POLH: variants seen among roughly 807,000 people sequenced by gnomAD.
POLH encodes DNA polymerase eta transcript.
POLH carries 53 observed loss-of-function variants against 73.6 expected under a neutral mutation model. The observed-to-expected ratio is 0.72, with a 90% CI of 0.58 to 0.91. The LOEUF (loss-of-function observed/expected upper bound fraction) is 0.91, where lower values mean the gene tolerates loss of function less well. Among genes scored for constraint, POLH ranks in the 40% least tolerant of loss-of-function variants. The pLI, the probability that POLH is intolerant of heterozygous loss-of-function variation, is 0.00. For missense variants in POLH, 768 were observed against 865.4 expected (o/e 0.89, Z 1.41); for synonymous variants, 292 against 308.5 (o/e 0.95, Z 0.56).
intron 3 of POLH, 59 bp downstream of exon 3, chr6:43,583,200 G>T (rs879475111): frequency 9.5e-6 from 14 of 1,475,576 alleles, no homozygotes; most frequent in African/African-American, 2.8e-5. Flanking sequence ...ACTCCATGAG[G>T]CTAGGAACTG....
intron 5 of POLH, among the ~76,000 whole-genome samples, chr6:43,598,822 G>T (rs1219962882): frequency 6.6e-6 from 1 of 151,982 alleles, no homozygotes; most frequent in African/African-American, 2.4e-5. Flanking sequence ...TTATATACGG[G>T]ACTTGGGGTT....
intron 4 of POLH, among the ~76,000 whole-genome samples, chr6:43,593,197 G>A (rs1487682546): frequency 6.6e-6 from 1 of 152,090 alleles, no homozygotes; most frequent in Admixed American, 6.6e-5. Context: ...TATTATTAAA[G>A]ATTATAAAAT....
At chr6:43,598,365 G>A (rs948002969) in intron 5 of POLH, among the ~76,000 whole-genome samples, 4 of 151,772 alleles carry the variant, frequency 2.6e-5, no homozygotes, top group Non-Finnish European at 4.4e-5. Context: ...GGGGGCTCAC[G>A]CCTGTAGTCC....
chr6:43,597,692 T>G lies in POLH; in HGVS notation c.491-4T>G, dbSNP rs185508862. On this transcript the variant is annotated splice_polypyrimidine_tract_variant and splice_region_variant and intron_variant, in intron 4 of 10. Coordinates refer to ENST00000372236, the MANE Select transcript of POLH (RefSeq NM_006502.3). ...TCTAAATGTGAGTTCTTAATTCATT[T>G]CAGAGGGGATGCGAAAACAAGGCTT... 155 of 1,612,828 alleles carry G rather than the reference T, an allele frequency of 9.6e-5. No individual in the cohort carries two copies. The Middle Eastern group carries it at 2.3e-3, about 24-fold the overall frequency.
At chr6:43,580,483 C>T (rs1763939455) in intron 1 of POLH, among the ~76,000 whole-genome samples, 2 of 149,164 alleles carry the variant, frequency 1.3e-5, no homozygotes, top group East Asian at 2.0e-4. Flanking sequence ...CCAGTAGGGG[C>T]GGCCGGGCAG....
At chr6:43,596,482 CA>C (rs1384997440) in intron 4 of POLH, among the ~76,000 whole-genome samples, 5 of 138,576 alleles carry the variant, frequency 3.6e-5, no homozygotes, top group East Asian at 2.0e-4. Flanking sequence ...GACTTCGTCT[CA>C]AAAAAAAAAG....
chr6:43,610,588 T>C lies in POLH; in HGVS notation c.1109T>C (p.Ile370Thr). ...DRVATQLVVS[I>T]RVQGDKRLSS... Reference sequence around the variant, plus strand: ...GTAGCCACCCAGCTGGTTGTGAGCATTCGTGTACAAGGAGACAAACGCCTC... The same window carrying C: ...GTAGCCACCCAGCTGGTTGTGAGCACTCGTGTACAAGGAGACAAACGCCTC... The change falls in exon 10 of 11, where the codon ATT becomes ACT. Residue 370 changes from isoleucine (I) to threonine (T), a missense_variant. Ile to Thr is a moderately conservative substitution (Grantham distance 89, BLOSUM62 -1). Coordinates refer to ENST00000372236, the MANE Select transcript of POLH (RefSeq NM_006502.3). 1 of 1,614,112 alleles carries C rather than the reference T, an allele frequency of 6.2e-7. No individual in the cohort carries two copies. The highest frequency in any genetic ancestry group is 8.5e-7 in the Non-Finnish European group (1 of 1,179,998).
At chr6:43,578,549 T>A in intron 1 of POLH, 1 of 327,278 alleles carries the variant, frequency 3.1e-6, no homozygotes, top group Non-Finnish European at 5.9e-6. Context: ...GTCATGGTCA[T>A]GAAAAACAAG....
chr6:43,586,794 T>C (rs1764870101), intron 3 of POLH, among the ~76,000 whole-genome samples: 1 of 152,210 alleles, frequency 6.6e-6, no homozygotes, highest in East Asian at 1.9e-4. Context: ...GTTTGTTAAT[T>C]TATGGTGAGA....
intron 9 of POLH, 114 bp downstream of exon 9, chr6:43,605,433 C>A (rs756481594): frequency 3.5e-5 from 20 of 564,874 alleles, no homozygotes; most frequent in Non-Finnish European, 6.3e-5. Context: ...AGGAAATATC[C>A]GTTTTCTTTC....
intron 6 of POLH, among the ~76,000 whole-genome samples, chr6:43,603,659 C>T (rs753720034): frequency 1.4e-4 from 22 of 152,148 alleles, no homozygotes; most frequent in Non-Finnish European, 1.5e-4. Flanking sequence ...TACAATTGAA[C>T]GTTTTATATA....
At chr6:43,579,021 T>C (rs1174163198) in intron 1 of POLH, among the ~76,000 whole-genome samples, 1 of 152,238 alleles carries the variant, frequency 6.6e-6, no homozygotes, top group Non-Finnish European at 1.5e-5. Context: ...AATTTATCCT[T>C]ATGCCAGCAG....
chr6:43,598,633 T>C (rs1431372876), intron 5 of POLH, among the ~76,000 whole-genome samples: 2 of 144,140 alleles, frequency 1.4e-5, no homozygotes, highest in Non-Finnish European at 3.0e-5. Context: ...AGACTCCGTC[T>C]CAAAAAAAAA....
chr6:43,601,692 G>A lies in POLH; in HGVS notation c.764+601G>A, dbSNP rs527805046. ...AGTCCCAGCACTTTTGGTAGGCCAG[G>A]GTGGGTGGATCGCTTGAGCCCAGGA... On this transcript the variant is annotated intron_variant, in intron 6 of 10. Transcript: ENST00000372236. Among the ~76,000 whole-genome samples the A allele has an allele frequency of 2.6e-5, 4 of 152,262 alleles. No homozygotes were observed. In the East Asian group the frequency reaches 5.8e-4, roughly 22 times the overall value.
At chr6:43,598,678 G>A (rs1371481715) in intron 5 of POLH, among the ~76,000 whole-genome samples, 1 of 151,388 alleles carries the variant, frequency 6.6e-6, no homozygotes, top group African/African-American at 2.4e-5. Context: ...TACACTATAA[G>A]AACAATTTAT....
rs55760315 is a variant in POLH, at chr6:43,618,961, TG to T, written c.*4414del. ...TCTACTTTTTATTTTATTTATAAAT[TG>T]GGGGGGGGGTTCTATATTTAGTTTG... On this transcript the variant is annotated 3_prime_UTR_variant, in exon 11 of 11. Coordinates refer to ENST00000372236, the MANE Select transcript of POLH (RefSeq NM_006502.3). Among the ~76,000 whole-genome samples the T allele has an allele frequency of 7.6e-3, 1,058 of 138,960 alleles. 9 individuals carry two copies. The highest frequency in any genetic ancestry group is 0.022 in the African/African-American group (810 of 37,484). The allele number at this position is 138,960 out of a possible 152,430, so 91.2% of individuals were successfully genotyped here. A position where few individuals can be genotyped will look rare whatever the true frequency, so the allele number is the denominator to read the frequency against.
chr6:43,579,618 G>A (rs1763780869), intron 1 of POLH, among the ~76,000 whole-genome samples: 1 of 152,146 alleles, frequency 6.6e-6, no homozygotes, highest in Admixed American at 6.5e-5. Context: ...ACCCAAAGAG[G>A]GGCTCATGAG....
rs77201717 is a variant in POLH at position 43,589,578 on chromosome 6, T to C, written c.490+2089T>C. 2.9e-3 allele frequency among the ~76,000 whole-genome samples: 438 copies of C among 152,282 alleles called. 1 individual carries two copies. The highest frequency in any genetic ancestry group is 0.01 in the African/African-American group (417 of 41,572). ...TTTCCATGGAAAAATGGTAAAATTA[T>C]TTATTTTTTGATTTGCAAGAGTTCC... On this transcript the variant is annotated intron_variant, in intron 4 of 10. Coordinates refer to ENST00000372236, the MANE Select transcript of POLH (RefSeq NM_006502.3).
rs567449289 is a variant in POLH at position 43,583,274 on chromosome 6, C to T, written c.272+133C>T. On this transcript the variant is annotated intron_variant, in intron 3 of 10. Transcript: ENST00000372236. ...AATTCTTTTTGGTTAGCCATCTTGT[C>T]TCTGTGAAATGAAAAACAGATTTTA... 5.1e-6 allele frequency: 4 copies of T among 783,164 alleles called. No homozygotes were observed. The East Asian group carries it at 1.1e-4, about 21-fold the overall frequency. 48.5% of individuals were successfully genotyped at this position (783,164 alleles called of 1,614,324 possible). A position where few individuals can be genotyped will look rare whatever the true frequency, so the allele number is the denominator to read the frequency against.
Sources: gnomAD v4.1 joint callset for allele counts (sites outside exome capture counted in the v4.1 genomes callset) on GRCh38, gnomAD v4.1.1 for gene constraint, MANE v1.5 for transcripts, NCBI Gene and HGNC (gene_info 2026-07-23, HGNC 2026-07-21) for gene names.